Variants in ANK1 observed in about 807,000 individuals in gnomAD.
The protein encoded by ANK1 is ankyrin-1.
In ANK1, 51 loss-of-function variants were observed where a neutral mutation model predicts 210.4. The ratio of observed to expected loss-of-function variants is 0.24; its 90% CI spans 0.19 to 0.31. The LOEUF is 0.31. ANK1 is among the 10% of genes least tolerant of loss of function. ANK1 has a pLI of 1.00. For missense variants in ANK1, 2,051 were observed against 2,504.4 expected (o/e 0.82, Z 3.86); for synonymous variants, 967 against 1,025.9 (o/e 0.94, Z 1.10).
Position 41,700,775 on chromosome 8 carries a change from C to A in ANK1, c.2461+775G>T, listed in dbSNP as rs374969452. Among the ~76,000 whole-genome samples, 4 of 152,184 alleles carry A rather than the reference C, an allele frequency of 2.6e-5. No homozygotes were observed. In the East Asian group the frequency reaches 7.7e-4, roughly 29 times the overall value. The stretch of plus-strand genomic sequence containing the variant: ...ATACTATAGTAATTTCTTTCTTTTT[C>A]TTTTAGAGACAGGGTCTTGCTCTGT... On this transcript the variant is annotated intron_variant, in intron 22 of 42. Transcript: ENST00000289734.
At chr8:41,765,966 T>A (rs1383014039) in intron 1 of ANK1, among the ~76,000 whole-genome samples, 6 of 152,148 alleles carry the variant, frequency 3.9e-5, no homozygotes, top group Non-Finnish European at 1.5e-5. Flanking sequence ...TGGGGTGGCC[T>A]AAGTTTTCCC....
chr8:41,716,921 G>T, intron 13 of ANK1, 32 bp downstream of exon 13: 1 of 1,603,976 alleles, frequency 6.2e-7, no homozygotes, highest in South Asian at 1.1e-5. Flanking sequence ...GCTCACATCT[G>T]AAACCCTTCC....
intron 37 of ANK1, among the ~76,000 whole-genome samples, chr8:41,674,662 T>C (rs1813591534): frequency 6.6e-6 from 1 of 152,258 alleles, no homozygotes; most frequent in Non-Finnish European, 1.5e-5. Flanking sequence ...CCCGGAGCCA[T>C]GCTGTGTACT....
intron 37 of ANK1, 43 bp downstream of exon 37, chr8:41,684,501 C>T: frequency 6.2e-7 from 1 of 1,611,736 alleles, no homozygotes; most frequent in Non-Finnish European, 8.5e-7. Flanking sequence ...GCCTGTAGGG[C>T]AGGGCTCCGG....
chr8:41,887,265 T>TTTTG (rs1818622215), intron 1 of ANK1, among the ~76,000 whole-genome samples: 1 of 112,458 alleles, frequency 8.9e-6, no homozygotes, highest in Non-Finnish European at 1.8e-5. Context: ...TTTTTTTTTT[T>TTTTG]AGAGACAGAG....
At chr8:41,891,605 T>C (rs1050436146) in intron 1 of ANK1, among the ~76,000 whole-genome samples, 8 of 152,126 alleles carry the variant, frequency 5.3e-5, no homozygotes, top group Non-Finnish European at 1.2e-4. Context: ...GGCTGGGAAG[T>C]GAGGAGAGAT....
intron 1 of ANK1, among the ~76,000 whole-genome samples, chr8:41,822,101 AGAGAGAGAGAGAG>A (rs1804438008): frequency 2.7e-5 from 1 of 36,568 alleles, no homozygotes. Context: ...AGAGAGAGAG[AGAGAGAGAGAGAG>A]AAAGAAAGAG....
intron 39 of ANK1, among the ~76,000 whole-genome samples, chr8:41,667,757 C>T (rs1289471553): frequency 2.0e-5 from 3 of 152,106 alleles, no homozygotes; most frequent in East Asian, 1.9e-4. Context: ...CCAGAGTCCA[C>T]GTGAATAGCC....
At chr8:41,736,766 A>C (rs967680020) in intron 2 of ANK1, among the ~76,000 whole-genome samples, 2 of 152,194 alleles carry the variant, frequency 1.3e-5, no homozygotes, top group African/African-American at 4.8e-5. Flanking sequence ...TTTGAGGCCA[A>C]TGTCACGATT....
chr8:41,896,354 CCTT>C (rs755876429), exon 1 of ANK1: 9 of 1,595,142 alleles, frequency 5.6e-6, no homozygotes, highest in Admixed American at 3.5e-5. Flanking sequence ...CCCCCTCCTA[CCTT>C]CTTCTTTCGG....
intron 2 of ANK1, among the ~76,000 whole-genome samples, chr8:41,750,050 G>A (rs1837299587): frequency 6.6e-6 from 1 of 152,346 alleles, no homozygotes; most frequent in South Asian, 2.1e-4. Flanking sequence ...TAAGCCCTAA[G>A]ATTCTATAGC....
intron 1 of ANK1, among the ~76,000 whole-genome samples, chr8:41,767,266 A>AGCCCCG (rs1254312996): frequency 2.8e-4 from 42 of 151,690 alleles, no homozygotes; most frequent in South Asian, 1.0e-3. Context: ...ACGGACGCAG[A>AGCCCCG]GCCCCGGCCC....
rs192228915 is a variant in ANK1 at position 41,751,803 on chromosome 8, G to T, written c.129+6233C>A. Among the ~76,000 whole-genome samples, 20 of 152,222 alleles carry T rather than the reference G, an allele frequency of 1.3e-4. No individual in the cohort carries two copies. In the East Asian group the frequency reaches 3.7e-3, roughly 28 times the overall value. On this transcript the variant is annotated intron_variant, in intron 2 of 42. Coordinates refer to ENST00000289734, the MANE Select transcript of ANK1 (RefSeq NM_000037.4). ...CCTCCACACAGCAGCGAGGGCAATT[G>T]TTTAGAAACCTCCATCAGCATAAGC...
chr8:41,690,415 A>G, intron 32 of ANK1, 59 bp downstream of exon 32: 2 of 1,614,170 alleles, frequency 1.2e-6, no homozygotes, highest in Non-Finnish European at 1.7e-6. Context: ...TGGTTTAGGG[A>G]ATTCTGCCTC....
chr8:41,730,800 T>C (rs1290469746), intron 3 of ANK1, among the ~76,000 whole-genome samples: 1 of 152,176 alleles, frequency 6.6e-6, no homozygotes, highest in Non-Finnish European at 1.5e-5. Context: ...GAAGGAGGCA[T>C]CCTGGGTGCA....
intron 36 of ANK1, among the ~76,000 whole-genome samples, chr8:41,685,748 C>T (rs1407548999): frequency 6.6e-6 from 1 of 152,198 alleles, no homozygotes; most frequent in Non-Finnish European, 1.5e-5. Context: ...GATCCTCCTG[C>T]CTCAGCCTCC....
At chr8:41,657,448 C>T (rs1806142806) in intron 42 of ANK1, among the ~76,000 whole-genome samples, 1 of 152,210 alleles carries the variant, frequency 6.6e-6, no homozygotes, top group Non-Finnish European at 1.5e-5. Context: ...CAAACAATTA[C>T]TTGGCTCTCT....
rs1373041301 is a variant in ANK1 at position 41,704,492 on chromosome 8, G to T, written c.2098-20C>A. ...GCCCATCTGAAAAGCAGATGAGAAG[G>T]AGTGACCGGAGCTGTCCTGAGCTGG... is the stretch of plus-strand genomic sequence containing the variant. On this transcript the variant is annotated intron_variant, in intron 18 of 42. Coordinates refer to ENST00000289734, the MANE Select transcript of ANK1 (RefSeq NM_000037.4). This position sits in a 1 kb window ranked among gnomAD's most constrained non-coding sequence, Gnocchi z 4.1. 1.9e-6 allele frequency: 3 copies of T among 1,598,264 alleles called. No homozygotes were observed. Among genetic ancestry groups the T allele is most frequent in the Non-Finnish European group, 2.6e-6 (3 of 1,165,624 alleles).
upstream of ANK1, among the ~76,000 whole-genome samples, chr8:41,798,930 G>T (rs80100032): frequency 0.011 from 1,731 of 152,272 alleles, 17 homozygotes; most frequent in Non-Finnish European, 0.018. Context: ...TTGCCATGAG[G>T]GCACAGCTGC....
Sources: allele counts gnomAD v4.1 joint callset (sites outside exome capture counted in the v4.1 genomes callset), GRCh38; gene constraint gnomAD v4.1.1; non-coding constraint Gnocchi (gnomAD v3.1); transcripts MANE v1.5; gene names NCBI Gene and HGNC (gene_info 2026-07-23, HGNC 2026-07-21).